Variants in FBXO47 observed in about 807,000 individuals in gnomAD.
The protein encoded by FBXO47 is F-box protein 47.
Under a neutral mutation model 53.9 loss-of-function variants are expected in FBXO47, and 34 were observed. That is an observed-to-expected ratio of 0.63 (90% CI 0.48 to 0.84). FBXO47 has a LOEUF of 0.84. FBXO47 is among the 40% of genes least tolerant of loss of function. The probability of loss-of-function intolerance (pLI) is 0.00; values close to 1 mark genes in which losing one functional copy is unlikely to be tolerated. For synonymous variants in FBXO47, 165 were observed against 181.6 expected (o/e 0.91, Z 0.73); for missense variants, 485 against 541.3 (o/e 0.90, Z 1.03).
intron 1 of FBXO47, among the ~76,000 whole-genome samples, chr17:38,963,466 TGAACCTGGC>T (rs1905922732): frequency 6.6e-6 from 1 of 152,146 alleles, no homozygotes; most frequent in Non-Finnish European, 1.5e-5. Context: ...CATGAACCAC[TGAACCTGGC>T]CCCACTTACT....
At chr17:38,956,522 A>T (rs886374552) in intron 4 of FBXO47, among the ~76,000 whole-genome samples, 1 of 150,062 alleles carries the variant, frequency 6.7e-6, no homozygotes, top group Non-Finnish European at 1.5e-5. Flanking sequence ...CAGGAGGTGG[A>T]GGTTGCAGTG....
chr17:38,938,989 T>C (rs1450037507), intron 9 of FBXO47, among the ~76,000 whole-genome samples: 1 of 152,020 alleles, frequency 6.6e-6, no homozygotes, highest in Admixed American at 6.6e-5. Context: ...TATTTACTAA[T>C]GAAATAACTA....
At position 38,936,435 on chromosome 17, in the gene FBXO47, A is replaced by G. The variant is rs1915581040; in HGVS notation, c.*740T>C. 1.3e-5 allele frequency: 2 copies of G among 151,860 alleles called. No individual in the cohort carries two copies. The highest frequency in any genetic ancestry group is 4.8e-5 in the African/African-American group (2 of 41,328). 9.4% of individuals were successfully genotyped at this position (151,860 alleles called of 1,614,324 possible). A position where few individuals can be genotyped will look rare whatever the true frequency, so the allele number is the denominator to read the frequency against. On this transcript the variant is annotated 3_prime_UTR_variant, in exon 11 of 11. Coordinates refer to ENST00000378079, the MANE Select transcript of FBXO47 (RefSeq NM_001008777.3). Reference sequence around the variant, plus strand: ...AGATTATTCTGGCAGCAGAATCGCTATTTTCTTTCATTTTATTTTTCTCTT... The same window carrying G: ...AGATTATTCTGGCAGCAGAATCGCTGTTTTCTTTCATTTTATTTTTCTCTT...
intron 1 of FBXO47, 149 bp from the exon 2 acceptor site, chr17:38,963,200 C>T (rs529578941): frequency 5.6e-5 from 29 of 519,604 alleles, no homozygotes; most frequent in Non-Finnish European, 7.5e-5. Context: ...TTTTTTGAGA[C>T]GGAGTCTTGC....
At chr17:38,945,225 T>A in intron 6 of FBXO47, 89 bp from the exon 7 acceptor site, 1 of 905,792 alleles carries the variant, frequency 1.1e-6, no homozygotes, top group Non-Finnish European at 1.7e-6. Context: ...TTAATCATTA[T>A]GGTTAGTGAT....
In FBXO47 at chr17:38,938,991, A is replaced by G. The variant is rs143219099; in HGVS notation, c.1084-259T>C. On this transcript the variant is annotated intron_variant, in intron 9 of 10. Transcript: ENST00000378079. ...TATCATAGAAGAATATTTACTAATG[A>G]AATAACTAATATTGAAAACAGGCCA... Among the ~76,000 whole-genome samples the G allele has an allele frequency of 4.1e-3, 629 of 152,164 alleles. 8 individuals are homozygous for G. The highest frequency in any genetic ancestry group is 0.015 in the African/African-American group (611 of 41,500).
intron 6 of FBXO47, among the ~76,000 whole-genome samples, chr17:38,946,723 AAT>A (rs372247907): frequency 3.0e-3 from 2 of 676 alleles, no homozygotes; most frequent in Non-Finnish European, 4.6e-3. Flanking sequence ...TGAATATATA[AAT>A]ATATATAAAT....
chr17:38,965,709 TAA>T (rs71141742), intron 1 of FBXO47, among the ~76,000 whole-genome samples: 64 of 61,606 alleles, frequency 1.0e-3, no homozygotes, highest in African/African-American at 3.0e-3. Context: ...CCTTCTCTAC[TAA>T]AAAAAAAAAA....
chr17:38,962,640 GTAA>G lies in FBXO47; in HGVS notation c.181+202_181+204del, dbSNP rs1006623184. 1.4e-4 allele frequency among the ~76,000 whole-genome samples: 19 copies of G among 134,444 alleles called. No individual in the cohort carries two copies. In the East Asian group the frequency reaches 2.0e-3, roughly 14 times the overall value. The allele number at this position is 134,444 out of a possible 152,430, so 88.2% of individuals were successfully genotyped here. A position where few individuals can be genotyped will look rare whatever the true frequency, so the allele number is the denominator to read the frequency against. ...AATAATAATAATAATAATAATAATA[GTAA>G]TAATAATAATTATTTAAGTATTGTG... is the stretch of plus-strand genomic sequence containing the variant. On this transcript the variant is annotated intron_variant, in intron 2 of 10. Coordinates refer to ENST00000378079, the MANE Select transcript of FBXO47 (RefSeq NM_001008777.3).
chr17:38,957,991 G>A (rs746957383), intron 3 of FBXO47, among the ~76,000 whole-genome samples: 4 of 152,028 alleles, frequency 2.6e-5, no homozygotes, highest in East Asian at 1.9e-4. Context: ...ACACCACCAC[G>A]CCCAGCTAAT....
intron 1 of FBXO47, among the ~76,000 whole-genome samples, chr17:38,964,424 C>T (rs1905985689): frequency 6.6e-6 from 1 of 152,084 alleles, no homozygotes; most frequent in Admixed American, 6.6e-5. Flanking sequence ...AGCGAAACCC[C>T]GTCTCTACAA....
intron 6 of FBXO47, among the ~76,000 whole-genome samples, chr17:38,945,890 C>G (rs1379402609): frequency 7.1e-6 from 1 of 141,820 alleles, no homozygotes; most frequent in East Asian, 2.0e-4. Flanking sequence ...GAGCCAAGAT[C>G]GTGCCACTGC....
rs184356049 is a variant in FBXO47 at position 38,941,063 on chromosome 17, C to T, written c.1083+1715G>A. On this transcript the variant is annotated intron_variant, in intron 9 of 10. Coordinates refer to ENST00000378079, the MANE Select transcript of FBXO47 (RefSeq NM_001008777.3). ...GCAGTGGTGCTATCTTGGCTCACCA[C>T]AGCCTTGACCACCCAGACTCAAGTG... Among the ~76,000 whole-genome samples, 490 of 151,970 alleles carry T rather than the reference C, an allele frequency of 3.2e-3. 13 individuals carry two copies. Among genetic ancestry groups the T allele is most frequent in the African/African-American group, 0.011 (460 of 41,306 alleles).
chr17:38,938,509 GTTTTAGGTGGAGACTAGAGCGCAT>G (rs1904354122), intron 10 of FBXO47, 40 bp downstream of exon 10: 11 of 1,145,240 alleles, frequency 9.6e-6, no homozygotes, highest in Non-Finnish European at 1.3e-5. Flanking sequence ...AAATATCTCT[GTTTTAGGTGGAGACTAGAGCGCAT>G]TTTTACGCAC....
intron 1 of FBXO47, among the ~76,000 whole-genome samples, chr17:38,965,987 CAG>C (rs1906098150): frequency 6.6e-6 from 1 of 151,792 alleles, no homozygotes; most frequent in Non-Finnish European, 1.5e-5. Flanking sequence ...TATATAATTT[CAG>C]ACTTTTACAT....
rs1311635677 is a variant in FBXO47, at chr17:38,957,235, C to A, written c.371G>T (p.Cys124Phe). ...TTCCTTGGTGGGTAGCAGCAATGTG[C>A]ATCTTTTAAACAGTAGACCTAAGAA... ...YRSLGLLFKRCTLLLPTKERL... is the reference protein window; with the variant it reads ...YRSLGLLFKRFTLLLPTKERL... Residue 124 changes from cysteine to phenylalanine, a missense_variant, in exon 4 of 11, where the codon TGC (cysteine) becomes TTC (phenylalanine). Physicochemically the swap from Cys to Phe is radical, Grantham distance 205. Transcript: ENST00000378079. 5 of 1,610,560 alleles carry A rather than the reference C, an allele frequency of 3.1e-6. No homozygotes were observed. Among genetic ancestry groups the A allele is most frequent in the Non-Finnish European group, 4.2e-6 (5 of 1,177,474 alleles).
At position 38,936,528 on chromosome 17, in the gene FBXO47, C is replaced by G. The variant is rs1293400276; in HGVS notation, c.*647G>C. ...ATTGCATTGAGACAATATATACCTT[C>G]CTGTATGTATAGACCTTTTGTATGA... On this transcript the variant is annotated 3_prime_UTR_variant, in exon 11 of 11. Transcript: ENST00000378079. 6.6e-6 allele frequency: 1 copy of G among 151,974 alleles called. No homozygotes were observed. Among genetic ancestry groups the G allele is most frequent in the African/African-American group, 2.4e-5 (1 of 41,382 alleles). The allele number at this position is 151,974 out of a possible 1,614,324, so 9.4% of individuals were successfully genotyped here.
intron 5 of FBXO47, among the ~76,000 whole-genome samples, chr17:38,953,093 A>C (rs1040173300): frequency 6.7e-6 from 1 of 148,564 alleles, no homozygotes; most frequent in Non-Finnish European, 1.5e-5. Flanking sequence ...CCTGGCCAAC[A>C]TGGTGAAACC....
chr17:38,950,982 C>T (rs936561266), intron 6 of FBXO47, among the ~76,000 whole-genome samples: 3 of 152,012 alleles, frequency 2.0e-5, no homozygotes, highest in Non-Finnish European at 4.4e-5. Flanking sequence ...CTCACTACAG[C>T]CTCAGTCTAG....
Sources: gnomAD v4.1 joint callset for allele counts (sites outside exome capture counted in the v4.1 genomes callset) on GRCh38, gnomAD v4.1.1 for gene constraint, MANE v1.5 for transcripts, NCBI Gene and HGNC (gene_info 2026-07-23, HGNC 2026-07-21) for gene names.